GNA11: variants seen among roughly 807,000 people sequenced by gnomAD.
The protein encoded by GNA11 is guanine nucleotide-binding protein subunit alpha-11.
GNA11 carries 8 observed loss-of-function variants against 38.2 expected under a neutral mutation model. That is an observed-to-expected ratio of 0.21 (90% CI 0.12 to 0.38). GNA11 has a LOEUF of 0.38. GNA11 is among the 10% of genes least tolerant of loss of function. GNA11 has a pLI of 1.00. For missense variants in GNA11, 268 were observed against 516.3 expected, an observed-to-expected ratio of 0.52 and a Z score of 4.66; for synonymous variants, 211 against 221.4, an observed-to-expected ratio of 0.95 and a Z score of 0.42.
At chr19:3,118,635 G>A (rs1162914679) in intron 4 of GNA11, 5 of 375,732 alleles carry the variant, frequency 1.3e-5, no homozygotes, top group Non-Finnish European at 2.4e-5. Context: ...GCAGCAGCTG[G>A]CGCCCAGAAT....
At position 3,123,249 on chromosome 19, in the gene GNA11, T is replaced by G. The variant is rs996998705; in HGVS notation, c.*2070T>G. On this transcript the variant is annotated 3_prime_UTR_variant, in exon 7 of 7. Transcript: ENST00000078429. ...CAGGCCGGGGCGCTGCGGGGCTAAGTATTAGGCCTTCCCAGGGAGGGGGCG... is the reference window on the plus strand; with the variant it reads ...CAGGCCGGGGCGCTGCGGGGCTAAGGATTAGGCCTTCCCAGGGAGGGGGCG... The G allele has an allele frequency of 3.9e-5, 9 of 233,244 alleles. No homozygotes were observed. Among genetic ancestry groups the G allele is most frequent in the African/African-American group, 2.0e-4 (9 of 45,430 alleles). The allele number at this position is 233,244 out of a possible 1,614,324, so 14.4% of individuals were successfully genotyped here. A position where few individuals can be genotyped will look rare whatever the true frequency, so the allele number is the denominator to read the frequency against.
chr19:3,119,243 T>C lies in GNA11; in HGVS notation c.773T>C (p.Ile258Thr). The change falls in exon 6 of 7, where the codon ATC becomes ACC. Residue 258 changes from isoleucine to threonine, a missense_variant. This residue lies in a region of GNA11 where 92 missense variants were observed against 166.7 expected (regional missense o/e 0.55). Coordinates refer to ENST00000078429, the MANE Select transcript of GNA11 (RefSeq NM_002067.5). This position sits in a 1 kb window ranked among gnomAD's most constrained non-coding sequence, Gnocchi z 4.6. ...MEESKALFRT[I>T]ITYPWFQNSS... ...GAGAGCAAAGCCCTGTTCCGGACCA[T>C]CATCACCTACCCCTGGTTCCAGAAC... The C allele has an allele frequency of 6.2e-7, 1 of 1,613,890 alleles. No homozygotes were observed. Among genetic ancestry groups the C allele is most frequent in the Non-Finnish European group, 8.5e-7 (1 of 1,179,924 alleles).
chr19:3,104,939 T>C (rs1913602756), intron 1 of GNA11, among the ~76,000 whole-genome samples: 1 of 152,126 alleles, frequency 6.6e-6, no homozygotes, highest in Admixed American at 6.5e-5. Context: ...TATATTTAAC[T>C]CTGGTGCTGA....
chr19:3,116,734 G>A (rs1435939192), intron 4 of GNA11, among the ~76,000 whole-genome samples: 6 of 152,218 alleles, frequency 3.9e-5, no homozygotes, highest in Non-Finnish European at 8.8e-5. Context: ...CTCCGGTTGC[G>A]GGTGCCTTCT....
intron 1 of GNA11, among the ~76,000 whole-genome samples, chr19:3,097,109 C>G (rs1242156097): frequency 6.6e-6 from 1 of 152,164 alleles, no homozygotes; most frequent in Non-Finnish European, 1.5e-5. Flanking sequence ...TTCCACTCTC[C>G]CAGTAGGCCA....
intron 1 of GNA11, among the ~76,000 whole-genome samples, chr19:3,105,800 G>T (rs1913626214): frequency 6.6e-6 from 1 of 152,204 alleles, no homozygotes; most frequent in Non-Finnish European, 1.5e-5. Flanking sequence ...AGGGTCTCTG[G>T]AGCTTTGGCT....
chr19:3,105,923 C>T (rs765945147), intron 1 of GNA11, among the ~76,000 whole-genome samples: 29 of 151,870 alleles, frequency 1.9e-4, no homozygotes, highest in Non-Finnish European at 3.5e-4. Context: ...AGATGAGGGC[C>T]GGCAAGGGGC....
chr19:3,123,777 T>C lies in GNA11; in HGVS notation c.*2598T>C, dbSNP rs553938441. 6 of 232,088 alleles carry C rather than the reference T, an allele frequency of 2.6e-5. No homozygotes were observed. Among genetic ancestry groups the C allele is most frequent in the African/African-American group, 8.8e-5 (4 of 45,354 alleles). The allele number at this position is 232,088 out of a possible 1,614,324, so 14.4% of individuals were successfully genotyped here. A position where few individuals can be genotyped will look rare whatever the true frequency, so the allele number is the denominator to read the frequency against. ...TCAGACAATTTCAACCTTAATCTAT[T>C]TAAAAAAGAATATTCTATACAAGCT... On this transcript the variant is annotated 3_prime_UTR_variant, in exon 7 of 7. Transcript: ENST00000078429.
At chr19:3,112,351 C>G (rs1913794341) in intron 2 of GNA11, among the ~76,000 whole-genome samples, 1 of 152,188 alleles carries the variant, frequency 6.6e-6, no homozygotes. Flanking sequence ...CAAGCAAGGG[C>G]TGAGTCTCCA....
In GNA11 at chr19:3,114,834, G is replaced by A. The variant is rs902166877; in HGVS notation, c.477-110G>A. ...ACTGCCGTAGGTGGCGCAGTGCGCG[G>A]TCCACCCCCTCCTGGTGGCTTTCCG... On this transcript the variant is annotated intron_variant, in intron 3 of 6. Coordinates refer to ENST00000078429, the MANE Select transcript of GNA11 (RefSeq NM_002067.5). 55 of 1,073,466 alleles carry A rather than the reference G, an allele frequency of 5.1e-5. 1 individual carries two copies. Among genetic ancestry groups the A allele is most frequent in the Non-Finnish European group, 7.3e-5 (53 of 724,520 alleles). The allele number at this position is 1,073,466 out of a possible 1,614,324, so 66.5% of individuals were successfully genotyped here.
chr19:3,104,370 G>A (rs954158099), intron 1 of GNA11, among the ~76,000 whole-genome samples: 1 of 152,218 alleles, frequency 6.6e-6, no homozygotes, highest in Admixed American at 6.5e-5. Flanking sequence ...TAGTGGTGGC[G>A]TGCTGAGTGT....
chr19:3,107,926 A>G (rs962430147), intron 1 of GNA11, among the ~76,000 whole-genome samples: 4 of 152,032 alleles, frequency 2.6e-5, no homozygotes, highest in Non-Finnish European at 4.4e-5. Flanking sequence ...TCACCTTCAC[A>G]CTCACCCTCA....
At chr19:3,109,742 T>C (rs1913724856) in intron 1 of GNA11, among the ~76,000 whole-genome samples, 1 of 152,208 alleles carries the variant, frequency 6.6e-6, no homozygotes, top group Non-Finnish European at 1.5e-5. Context: ...CCGCCACGTC[T>C]GTGTGCTGTC....
At chr19:3,118,714 C>T (rs1913986480) in intron 4 of GNA11, 1 of 540,082 alleles carries the variant, frequency 1.9e-6, no homozygotes, top group Non-Finnish European at 3.3e-6. Context: ...GCCCCTTTGC[C>T]AGTGAGGGAA....
rs1217497044 is a variant in GNA11, at chr19:3,119,132, T to TC, written c.736-68dup. On this transcript the variant is annotated intron_variant, in intron 5 of 6. Coordinates refer to ENST00000078429, the MANE Select transcript of GNA11 (RefSeq NM_002067.5). The surrounding 1 kb of genome is among the most constrained non-coding windows in gnomAD (Gnocchi z 4.6). The stretch of plus-strand genomic sequence containing the variant: ...CCAAGCCTGGGTCCCCTCACCTGGG[T>TC]CCCCCCAGCTGCCCCTTGGGCTGTG... 3 of 1,601,106 alleles carry TC rather than the reference T, an allele frequency of 1.9e-6. No homozygotes were observed. The highest frequency in any genetic ancestry group is 2.6e-6 in the Non-Finnish European group (3 of 1,170,110).
intron 4 of GNA11, 142 bp downstream of exon 4, chr19:3,115,214 G>A: frequency 2.2e-6 from 2 of 905,840 alleles, no homozygotes; most frequent in South Asian, 3.2e-5. Context: ...GACCACCCTG[G>A]GCAACATAGC....
intron 4 of GNA11, 48 bp downstream of exon 4, chr19:3,115,120 T>C (rs1487745087): frequency 6.3e-7 from 1 of 1,590,600 alleles, no homozygotes; most frequent in Admixed American, 1.7e-5. Flanking sequence ...GAGAGGCTCA[T>C]TTGCCCGGTG....
In GNA11 at chr19:3,094,780, G is replaced by C; in HGVS notation, c.129G>C (p.Leu43=). The change falls in exon 1 of 7, where the codon CTG becomes CTC. Residue 43 remains leucine, a synonymous_variant. Coordinates refer to ENST00000078429, the MANE Select transcript of GNA11 (RefSeq NM_002067.5). The surrounding 1 kb of genome is among the most constrained non-coding windows in gnomAD (Gnocchi z 6.0). The part of the protein sequence containing the change: ...KRDARRELKL[L]LLGTGESGKS... ...ACGCCCGGCGCGAGCTCAAGCTGCT[G>C]CTGCTCGGTGAGTGCGGCCCCCGGG... 3.8e-6 allele frequency: 6 copies of C among 1,582,396 alleles called. No homozygotes were observed. The highest frequency in any genetic ancestry group is 5.1e-6 in the Non-Finnish European group (6 of 1,166,638).
rs56122562 is a variant in GNA11, at chr19:3,110,786, TTTTTG to T, written c.321+479_321+483del. ...GTACTTCTCACCTTCTCACACTGTT[TTTTTG>T]TTTTGTTTTGTTTTGTTTTGTTTTG... On this transcript the variant is annotated intron_variant, in intron 2 of 6. Transcript: ENST00000078429. The surrounding 1 kb of genome is among the most constrained non-coding windows in gnomAD (Gnocchi z 5.4). Among the ~76,000 whole-genome samples the T allele has an allele frequency of 3.9e-4, 58 of 150,638 alleles. No individual in the cohort carries two copies. The highest frequency in any genetic ancestry group is 5.6e-4 in the African/African-American group (23 of 41,078).
Sources: allele counts gnomAD v4.1 joint callset (sites outside exome capture counted in the v4.1 genomes callset), GRCh38; gene constraint gnomAD v4.1.1; regional missense constraint gnomAD v4.1.1; non-coding constraint Gnocchi (gnomAD v3.1); transcripts MANE v1.5; gene names NCBI Gene and HGNC (gene_info 2026-07-23, HGNC 2026-07-21).